Variants in EPB41L4A observed in about 807,000 individuals in gnomAD.
EPB41L4A encodes band 4.1-like protein 4A.
Under a neutral mutation model 108.6 loss-of-function variants are expected in EPB41L4A, and 100 were observed. The observed-to-expected ratio is 0.92, with a 90% CI of 0.78 to 1.09. The LOEUF (loss-of-function observed/expected upper bound fraction) is 1.09, where lower values mean the gene tolerates loss of function less well. EPB41L4A is among the 50% of genes least tolerant of loss of function. The pLI is 0.00. For synonymous variants in EPB41L4A, 319 were observed against 289.0 expected (o/e 1.10, Z -1.05); for missense variants, 1,030 against 842.7 (o/e 1.22, Z -2.75).
intron 1 of EPB41L4A, among the ~76,000 whole-genome samples, chr5:112,405,884 G>C (rs1442293678): frequency 6.6e-6 from 1 of 152,174 alleles, no homozygotes; most frequent in African/African-American, 2.4e-5. Context: ...CTACAGGCAA[G>C]AGTCCTCCCT....
At chr5:112,189,063 C>T (rs1249662034) in intron 17 of EPB41L4A, among the ~76,000 whole-genome samples, 1 of 152,204 alleles carries the variant, frequency 6.6e-6, no homozygotes, top group Non-Finnish European at 1.5e-5. Flanking sequence ...TATTTAGATA[C>T]TGTAGACATC....
At chr5:112,284,326 C>T (rs759117134) in intron 2 of EPB41L4A, among the ~76,000 whole-genome samples, 3 of 152,114 alleles carry the variant, frequency 2.0e-5, no homozygotes, top group Non-Finnish European at 4.4e-5. Context: ...TAAAGGACAG[C>T]ATGCAATAAT....
In EPB41L4A at chr5:112,164,940, C is replaced by T. The variant is rs181507476; in HGVS notation, c.*50G>A. 1 of 1,507,730 alleles carries T rather than the reference C, an allele frequency of 6.6e-7. No homozygotes were observed. The highest frequency in any genetic ancestry group is 8.8e-7 in the Non-Finnish European group (1 of 1,130,254). 93.4% of individuals were successfully genotyped at this position (1,507,730 alleles called of 1,614,324 possible). On this transcript the variant is annotated 3_prime_UTR_variant, in exon 23 of 23. Coordinates refer to ENST00000261486, the MANE Select transcript of EPB41L4A (RefSeq NM_022140.5). ...TACCTATTTCACAGTTTCAAAAGTA[C>T]CAGTGGCGCACACAACCTTCCCACC...
chr5:112,397,714 A>G (rs1350453876), intron 1 of EPB41L4A, among the ~76,000 whole-genome samples: 4 of 152,236 alleles, frequency 2.6e-5, no homozygotes, highest in Admixed American at 2.6e-4. Context: ...TAGGATTATA[A>G]AATAAAATAG....
At chr5:112,250,755 T>C (rs1750599244) in intron 9 of EPB41L4A, 1 of 152,162 alleles carries the variant, frequency 6.6e-6, no homozygotes, top group South Asian at 2.1e-4. Context: ...ACACAAGCTA[T>C]TCAGCAGCCA....
chr5:112,249,654 A>G (rs1211042159), intron 9 of EPB41L4A: 1 of 152,154 alleles, frequency 6.6e-6, no homozygotes, highest in Non-Finnish European at 1.5e-5. Context: ...AACAAAATTC[A>G]CCAATTTTGT....
intron 13 of EPB41L4A, among the ~76,000 whole-genome samples, chr5:112,144,445 T>G (rs976668248): frequency 2.6e-5 from 4 of 152,056 alleles, no homozygotes; most frequent in Non-Finnish European, 5.9e-5. Context: ...GCCACCACAC[T>G]CAGCTAATTT....
chr5:112,418,288 T>C (rs1762834215), intron 1 of EPB41L4A, among the ~76,000 whole-genome samples: 1 of 152,372 alleles, frequency 6.6e-6, no homozygotes, highest in South Asian at 2.1e-4. Context: ...CGAGCTCTGC[T>C]GCCTTTTTGT....
downstream of EPB41L4A, among the ~76,000 whole-genome samples, chr5:112,158,156 A>G (rs984943453): frequency 3.3e-5 from 5 of 152,278 alleles, no homozygotes; most frequent in South Asian, 4.1e-4. Flanking sequence ...AGGGAAGAAG[A>G]GAAAAGAGGA....
chr5:112,405,352 A>G (rs1237223623), intron 1 of EPB41L4A, among the ~76,000 whole-genome samples: 2 of 152,234 alleles, frequency 1.3e-5, no homozygotes, highest in Non-Finnish European at 2.9e-5. Context: ...ACCTGGAACC[A>G]GAATCCTCCA....
chr5:112,363,124 G>A (rs762345548), intron 1 of EPB41L4A, among the ~76,000 whole-genome samples: 4 of 152,100 alleles, frequency 2.6e-5, no homozygotes, highest in Non-Finnish European at 4.4e-5. Context: ...TCTAGTCAGA[G>A]CCCAGTGTGA....
Position 112,391,425 on chromosome 5 carries a change from A to G in EPB41L4A, c.99+27516T>C, listed in dbSNP as rs1035428477. 9.2e-5 allele frequency among the ~76,000 whole-genome samples: 14 copies of G among 152,224 alleles called. 1 individual carries two copies. Among genetic ancestry groups the G allele is most frequent in the African/African-American group, 3.1e-4 (13 of 41,454 alleles). ...GAAAAGGCCATGGCACAAGAACTAC[A>G]TGACGCATGTACAAGCTTCAGTAGC... On this transcript the variant is annotated intron_variant, in intron 1 of 22. Transcript: ENST00000261486.
intron 2 of EPB41L4A, among the ~76,000 whole-genome samples, chr5:112,306,834 C>T (rs563935655): frequency 6.6e-6 from 1 of 151,756 alleles, no homozygotes; most frequent in South Asian, 2.1e-4. Context: ...CTGAATTAAC[C>T]TTTGTGAACA....
At chr5:112,338,774 T>C (rs1452709617) in intron 1 of EPB41L4A, among the ~76,000 whole-genome samples, 1 of 152,222 alleles carries the variant, frequency 6.6e-6, no homozygotes, top group Non-Finnish European at 1.5e-5. Context: ...AAGCATTTAT[T>C]AGAACACACG....
intron 1 of EPB41L4A, among the ~76,000 whole-genome samples, chr5:112,381,493 T>A (rs1164951597): frequency 6.6e-6 from 1 of 152,254 alleles, no homozygotes; most frequent in Non-Finnish European, 1.5e-5. Flanking sequence ...CCATCCAGTG[T>A]GCAATTCTAA....
At chr5:112,182,165 C>G (rs1761191718) in intron 18 of EPB41L4A, among the ~76,000 whole-genome samples, 1 of 152,120 alleles carries the variant, frequency 6.6e-6, no homozygotes, top group Non-Finnish European at 1.5e-5. Context: ...ATTCTATATC[C>G]TGACTGGCAG....
rs185786116 is a variant in EPB41L4A, at chr5:112,274,154, C to T, written c.335+1172G>A. Among the ~76,000 whole-genome samples the T allele has an allele frequency of 7.0e-3, 1,059 of 152,108 alleles. 10 individuals carry two copies. Among genetic ancestry groups the T allele is most frequent in the Middle Eastern group, 0.014 (4 of 294 alleles). Reference sequence around the variant, plus strand: ...TATTAGCTAGGTGTAGTGGCACACACCTGTAGTCCCAGCTACTCCTGAGGC... The same window carrying T: ...TATTAGCTAGGTGTAGTGGCACACATCTGTAGTCCCAGCTACTCCTGAGGC... On this transcript the variant is annotated intron_variant, in intron 4 of 22. Coordinates refer to ENST00000261486, the MANE Select transcript of EPB41L4A (RefSeq NM_022140.5).
chr5:112,354,702 T>G (rs940650441), intron 1 of EPB41L4A, among the ~76,000 whole-genome samples: 12 of 152,234 alleles, frequency 7.9e-5, no homozygotes, highest in Admixed American at 6.5e-4. Flanking sequence ...GAAAATAGCA[T>G]TTTTGAATCT....
In EPB41L4A at chr5:112,184,044, T is replaced by C. The variant is rs753114972; in HGVS notation, c.1594A>G (p.Asn532Asp). The change falls in exon 18 of 23, where the codon AAC (asparagine) becomes GAC (aspartate). Residue 532 changes from asparagine to aspartate, a missense_variant. Coordinates refer to ENST00000261486, the MANE Select transcript of EPB41L4A (RefSeq NM_022140.5). ...CGAGATCTGTGTCTGGATCGCCTGT[T>C]GTTGGGGTCGGCTTGGTTTTTTTCC... The part of the protein sequence containing the change: ...QKEKNQADPN[N>D]RRSRHRSRSR... The C allele has an allele frequency of 3.1e-6, 5 of 1,613,988 alleles. No individual in the cohort carries two copies. In the African/African-American group the frequency reaches 5.3e-5, roughly 17 times the overall value.
Sources: gnomAD v4.1 joint callset for allele counts (sites outside exome capture counted in the v4.1 genomes callset) on GRCh38, gnomAD v4.1.1 for gene constraint, MANE v1.5 for transcripts, NCBI Gene and HGNC (gene_info 2026-07-23, HGNC 2026-07-21) for gene names.